The following RBMS1 variants were observed in gnomAD, a reference collection of about 807,000 sequenced individuals.
The protein encoded by RBMS1 is RNA binding motif single stranded interacting protein 1, also known as RNA-binding motif, single-stranded-interacting protein 1.
A neutral mutation model predicts 62.3 loss-of-function variants in RBMS1; 17 were observed. The ratio of observed to expected loss-of-function variants is 0.27; its 90% confidence interval spans 0.19 to 0.41. The LOEUF (loss-of-function observed/expected upper bound fraction) is 0.41. RBMS1 is among the 10% of genes least tolerant of loss of function. RBMS1 has a pLI of 1.00. For missense variants in RBMS1, 334 were observed against 504.5 expected, an observed-to-expected ratio of 0.66 and a Z score of 3.24; for synonymous variants, 172 against 170.0, an observed-to-expected ratio of 1.01 and a Z score of -0.09.
intron 5 of RBMS1, chr2:160,302,836 A>G (rs1689287877): frequency 6.6e-6 from 1 of 152,194 alleles, no homozygotes; most frequent in African/African-American, 2.4e-5. Flanking sequence ...TGAAATAGAA[A>G]TTATAAAATG....
chr2:160,480,195 A>C (rs10204185), intron 1 of RBMS1, among the ~76,000 whole-genome samples: 37,077 of 152,132 alleles, frequency 0.24, 5,100 homozygotes, highest in Admixed American at 0.4. Flanking sequence ...TTATGTTTAT[A>C]AACATATAAG....
intron 2 of RBMS1, among the ~76,000 whole-genome samples, chr2:160,353,260 A>G (rs968998371): frequency 2.0e-5 from 3 of 152,080 alleles, no homozygotes; most frequent in African/African-American, 7.2e-5. Context: ...CATTTTTTTA[A>G]AACTACACTT....
intron 1 of RBMS1, among the ~76,000 whole-genome samples, chr2:160,438,302 C>T (rs569138937): frequency 6.8e-6 from 1 of 146,700 alleles, no homozygotes; most frequent in African/African-American, 2.5e-5. Flanking sequence ...GGGTGTTTCT[C>T]GCAGAGGGGG....
At chr2:160,380,248 T>C (rs1362660658) in intron 1 of RBMS1, among the ~76,000 whole-genome samples, 1 of 152,064 alleles carries the variant, frequency 6.6e-6, no homozygotes, top group African/African-American at 2.4e-5. Flanking sequence ...ACTCAATGAC[T>C]AGTGACGGGG....
intron 1 of RBMS1, chr2:160,407,660 C>T: frequency 1.0e-6 from 1 of 982,054 alleles, no homozygotes; most frequent in Non-Finnish European, 1.2e-6. Context: ...CTCCCTCTCG[C>T]CGCGCGGCGG....
At chr2:160,322,609 T>C (rs779403680) in intron 2 of RBMS1, among the ~76,000 whole-genome samples, 6 of 152,232 alleles carry the variant, frequency 3.9e-5, no homozygotes, top group Non-Finnish European at 7.3e-5. Flanking sequence ...ATACTGGCCT[T>C]CTGCAAACAA....
intron 2 of RBMS1, among the ~76,000 whole-genome samples, chr2:160,364,018 G>A (rs963514525): frequency 6.6e-6 from 1 of 152,202 alleles, no homozygotes; most frequent in African/African-American, 2.4e-5. Flanking sequence ...GACACAACAT[G>A]AGCCCTCAAT....
At chr2:160,449,557 G>A (rs1683870428) in intron 1 of RBMS1, among the ~76,000 whole-genome samples, 1 of 152,144 alleles carries the variant, frequency 6.6e-6, no homozygotes. Flanking sequence ...AACATGTGCT[G>A]TGTCCACTCA....
At chr2:160,386,667 G>A (rs1373704914) in intron 1 of RBMS1, among the ~76,000 whole-genome samples, 1 of 152,034 alleles carries the variant, frequency 6.6e-6, no homozygotes, top group East Asian at 1.9e-4. Flanking sequence ...TCTGCCACAT[G>A]AAAATACAGC....
chr2:160,410,664 A>G (rs1369897517), intron 1 of RBMS1, among the ~76,000 whole-genome samples: 2 of 152,270 alleles, frequency 1.3e-5, no homozygotes, highest in South Asian at 4.1e-4. Context: ...TCTAACACAT[A>G]GAAAGTAAGA....
At chr2:160,337,969 C>A (rs1279413102) in intron 2 of RBMS1, among the ~76,000 whole-genome samples, 1 of 152,126 alleles carries the variant, frequency 6.6e-6, no homozygotes, top group East Asian at 1.9e-4. Context: ...GGTGACAATG[C>A]CCACAATCGT....
intron 1 of RBMS1, among the ~76,000 whole-genome samples, chr2:160,420,317 G>A (rs961972838): frequency 2.0e-5 from 3 of 152,070 alleles, no homozygotes; most frequent in African/African-American, 7.2e-5. Flanking sequence ...CCAGGAAACA[G>A]CCTCTGTTTT....
At chr2:160,455,216 C>G (rs1684168942) in intron 1 of RBMS1, among the ~76,000 whole-genome samples, 1 of 152,178 alleles carries the variant, frequency 6.6e-6, no homozygotes, top group Non-Finnish European at 1.5e-5. Flanking sequence ...GAAAACCTGG[C>G]CTTTTCTACC....
At chr2:160,401,529 A>G (rs143367059) in intron 1 of RBMS1, among the ~76,000 whole-genome samples, 1 of 152,344 alleles carries the variant, frequency 6.6e-6, no homozygotes, top group East Asian at 1.9e-4. Context: ...TAAGCAAAGC[A>G]TTCTGTACAG....
intron 1 of RBMS1, among the ~76,000 whole-genome samples, chr2:160,392,259 C>A (rs1278737300): frequency 1.3e-5 from 2 of 152,196 alleles, no homozygotes; most frequent in African/African-American, 2.4e-5. Flanking sequence ...TCCTACACAT[C>A]AGGGGTCTGC....
At chr2:160,444,862 C>A (rs1683577193) in intron 1 of RBMS1, among the ~76,000 whole-genome samples, 1 of 152,206 alleles carries the variant, frequency 6.6e-6, no homozygotes, top group Non-Finnish European at 1.5e-5. Context: ...CAAGGAGACA[C>A]CCTTGGCAAG....
At chr2:160,375,868 T>C (rs771879985) in intron 1 of RBMS1, among the ~76,000 whole-genome samples, 2 of 151,416 alleles carry the variant, frequency 1.3e-5, no homozygotes, top group Non-Finnish European at 2.9e-5. Flanking sequence ...GAGCAAACTC[T>C]TCCTTTACTT....
chr2:160,278,650 C>T lies in RBMS1; in HGVS notation c.960G>A (p.Val320=). Residue 320 remains valine, a synonymous_variant, in exon 11 of 14, where the codon GTG becomes GTA. Transcript: ENST00000348849. ...QPYILQHPGA[V]LTPSMEHTMS... The stretch of plus-strand genomic sequence containing the variant: ...TGGTGTGCTCCATTGAGGGAGTTAA[C>T]ACGGCACCCTGGGGAGTTGGAGACA... 1 of 1,611,478 alleles carries T rather than the reference C, an allele frequency of 6.2e-7. No homozygotes were observed. Among genetic ancestry groups the T allele is most frequent in the South Asian group, 1.1e-5 (1 of 90,742 alleles).
At chr2:160,306,719 C>G (rs1230171637) in intron 4 of RBMS1, among the ~76,000 whole-genome samples, 11 of 144,914 alleles carry the variant, frequency 7.6e-5, no homozygotes, top group Admixed American at 1.4e-4. Context: ...CTTCTTTTCA[C>G]GGGTGTTTTT....
Sources: gnomAD v4.1 joint callset for allele counts (sites outside exome capture counted in the v4.1 genomes callset) on GRCh38, gnomAD v4.1.1 for gene constraint, MANE v1.5 for transcripts, NCBI Gene and HGNC (gene_info 2026-07-23, HGNC 2026-07-21) for gene names.